The following DLGAP2 variants were observed in gnomAD, a reference collection of about 807,000 sequenced individuals.
The protein encoded by DLGAP2 is disks large-associated protein 2.
Under a neutral mutation model 100.3 loss-of-function variants are expected in DLGAP2, and 26 were observed. The ratio of observed to expected loss-of-function variants is 0.26; its 90% confidence interval spans 0.19 to 0.36. The LOEUF (loss-of-function observed/expected upper bound fraction) is 0.36. DLGAP2 is among the 10% of genes least tolerant of loss of function. The probability of loss-of-function intolerance (pLI) is 1.00; values close to 1 mark genes in which losing one functional copy is unlikely to be tolerated. For synonymous variants in DLGAP2, 886 were observed against 630.1 expected, an observed-to-expected ratio of 1.41 and a Z score of -6.08; for missense variants, 1,858 against 1,453.2, an observed-to-expected ratio of 1.28 and a Z score of -4.53.
chr8:1,360,703 C>G (rs1425220837), intron 3 of DLGAP2, among the ~76,000 whole-genome samples: 1 of 152,192 alleles, frequency 6.6e-6, no homozygotes, highest in Non-Finnish European at 1.5e-5. Flanking sequence ...ACCGCCCCCA[C>G]CATGGAGATC....
At chr8:789,860 C>G (rs1821981068) in intron 1 of DLGAP2, among the ~76,000 whole-genome samples, 1 of 152,144 alleles carries the variant, frequency 6.6e-6, no homozygotes, top group Non-Finnish European at 1.5e-5. Flanking sequence ...TGGTATTGCC[C>G]TGTGTAATGA....
At chr8:1,552,297 G>A (rs934148687) in intron 5 of DLGAP2, among the ~76,000 whole-genome samples, 2 of 152,228 alleles carry the variant, frequency 1.3e-5, no homozygotes, top group African/African-American at 2.4e-5. Context: ...TCACAAGGGC[G>A]TTTTCTTGCA....
intron 3 of DLGAP2, among the ~76,000 whole-genome samples, chr8:1,317,558 T>C (rs1398033226): frequency 2.2e-5 from 3 of 137,802 alleles, no homozygotes; most frequent in African/African-American, 8.9e-5. Flanking sequence ...CCAACAGTGG[T>C]CTACACTCGA....
At position 1,185,157 on chromosome 8, in the gene DLGAP2, G is replaced by A. The variant is rs145955787; in HGVS notation, c.74-73694G>A. Among the ~76,000 whole-genome samples, 35 of 152,276 alleles carry A rather than the reference G, an allele frequency of 2.3e-4. No individual in the cohort carries two copies. In the East Asian group the frequency reaches 6.6e-3, roughly 29 times the overall value. Reference sequence around the variant, plus strand: ...TGGCGACGGCATAACTGTTGAACACGTGCCGGGCGAATGCTGTTCATTTTT... The same window carrying A: ...TGGCGACGGCATAACTGTTGAACACATGCCGGGCGAATGCTGTTCATTTTT... On this transcript the variant is annotated intron_variant, in intron 2 of 14. Transcript: ENST00000637795.
In DLGAP2 at chr8:1,352,277, A is replaced by C. The variant is rs13267034; in HGVS notation, c.106+93394A>C. Among the ~76,000 whole-genome samples, 118 of 48,854 alleles carry C rather than the reference A, an allele frequency of 2.4e-3. 2 individuals are homozygous for C. Among genetic ancestry groups the C allele is most frequent in the African/African-American group, 6.0e-3 (83 of 13,760 alleles). The allele number at this position is 48,854 out of a possible 152,430, so 32.1% of individuals were successfully genotyped here. On this transcript the variant is annotated intron_variant, in intron 3 of 14. Transcript: ENST00000637795. ...TGGGTCCTGATCGTGTGTGGAAAGG[A>C]CGTGCGGGTCCTGAGCGTGTGTGTG...
chr8:1,106,123 T>A lies in DLGAP2; in HGVS notation c.74-152728T>A, dbSNP rs544153172. 2.3e-5 allele frequency among the ~76,000 whole-genome samples: 3 copies of A among 128,852 alleles called. No individual in the cohort carries two copies. The South Asian group carries it at 7.6e-4, about 33-fold the overall frequency. The allele number at this position is 128,852 out of a possible 152,430, so 84.5% of individuals were successfully genotyped here. A position where few individuals can be genotyped will look rare whatever the true frequency, so the allele number is the denominator to read the frequency against. ...ATTGAAGGGAGCCATTCCAGGAGGG[T>A]TTTCTATTGAGGGGAGCCATTCTAG... On this transcript the variant is annotated intron_variant, in intron 2 of 14. Coordinates refer to ENST00000637795, the MANE Select transcript of DLGAP2 (RefSeq NM_001346810.2).
At chr8:1,533,793 C>T (rs2130463700) in intron 4 of DLGAP2, among the ~76,000 whole-genome samples, 1 of 152,018 alleles carries the variant, frequency 6.6e-6, no homozygotes, top group South Asian at 2.1e-4. Flanking sequence ...CCTGTCTCTA[C>T]AAAAAAATTA....
intron 2 of DLGAP2, among the ~76,000 whole-genome samples, chr8:1,051,100 T>G: frequency 6.8e-6 from 1 of 146,120 alleles, no homozygotes; most frequent in Non-Finnish European, 1.5e-5. Context: ...GGGCAGGGGG[T>G]CATTTTGTGG....
At chr8:1,112,024 G>A (rs1316794998) in intron 2 of DLGAP2, among the ~76,000 whole-genome samples, 8 of 151,886 alleles carry the variant, frequency 5.3e-5, no homozygotes, top group East Asian at 1.9e-4. Flanking sequence ...CACTCCCACC[G>A]ACAGTGTATA....
chr8:1,638,478 C>A (rs1797820858), intron 8 of DLGAP2, among the ~76,000 whole-genome samples: 1 of 152,136 alleles, frequency 6.6e-6, no homozygotes. Context: ...TCTGTTACGG[C>A]AGCACGGGAG....
At chr8:1,647,094 G>T (rs546784720) in intron 8 of DLGAP2, among the ~76,000 whole-genome samples, 2 of 152,146 alleles carry the variant, frequency 1.3e-5, no homozygotes, top group African/African-American at 2.4e-5. Context: ...TGGACTGATG[G>T]TTCCAGGGAC....
At chr8:1,048,967 C>G (rs976960099) in intron 2 of DLGAP2, among the ~76,000 whole-genome samples, 1 of 152,172 alleles carries the variant, frequency 6.6e-6, no homozygotes, top group African/African-American at 2.4e-5. Context: ...CTGAGCCACA[C>G]CAGCTTTCGG....
At chr8:1,618,337 C>T (rs767662945) in intron 6 of DLGAP2, among the ~76,000 whole-genome samples, 1 of 152,186 alleles carries the variant, frequency 6.6e-6, no homozygotes, top group African/African-American at 2.4e-5. Flanking sequence ...TTGGAAAATG[C>T]AGTTAGTTTT....
At chr8:1,207,811 T>G (rs1188400532) in intron 2 of DLGAP2, among the ~76,000 whole-genome samples, 1 of 152,256 alleles carries the variant, frequency 6.6e-6, no homozygotes, top group Non-Finnish European at 1.5e-5. Flanking sequence ...ACGTCCTTGA[T>G]AATTAATGAT....
intron 2 of DLGAP2, among the ~76,000 whole-genome samples, chr8:1,106,665 A>G (rs1804783420): frequency 2.8e-5 from 4 of 145,406 alleles, no homozygotes; most frequent in African/African-American, 1.0e-4. Context: ...TATTGAAGGG[A>G]GCCATTCTAG....
intron 2 of DLGAP2, among the ~76,000 whole-genome samples, chr8:1,243,444 CAGATGTTCTGGACTTGGCCCCTCAGAG>C (rs1339199546): frequency 6.6e-6 from 1 of 152,188 alleles, no homozygotes; most frequent in Non-Finnish European, 1.5e-5. Flanking sequence ...CATCTGAGGC[CAGATGTTCTGGACTTGGCCCCTCAGAG>C]AGATGTTCTG....
intron 2 of DLGAP2, among the ~76,000 whole-genome samples, chr8:1,055,313 C>G (rs1316505471): frequency 6.6e-6 from 1 of 152,198 alleles, no homozygotes; most frequent in African/African-American, 2.4e-5. Context: ...ACTTATCAAA[C>G]TAGCAAATTG....
chr8:1,131,659 C>T (rs1416678750), intron 2 of DLGAP2, among the ~76,000 whole-genome samples: 1 of 150,940 alleles, frequency 6.6e-6, no homozygotes, highest in East Asian at 1.9e-4. Context: ...TGCTGTTCCA[C>T]ATTAGGTGAG....
chr8:1,220,280 T>G (rs951273347), intron 2 of DLGAP2, among the ~76,000 whole-genome samples: 10 of 152,338 alleles, frequency 6.6e-5, no homozygotes, highest in African/African-American at 2.2e-4. Flanking sequence ...CTGCTTTACC[T>G]GTGACCCAAA....
Sources: gnomAD v4.1 joint callset for allele counts (sites outside exome capture counted in the v4.1 genomes callset) on GRCh38, gnomAD v4.1.1 for gene constraint, MANE v1.5 for transcripts, NCBI Gene and HGNC (gene_info 2026-07-23, HGNC 2026-07-21) for gene names.